The following ZNF492 variants were observed in gnomAD, a reference collection of about 807,000 sequenced individuals.
The protein encoded by ZNF492 is zinc finger protein 492.
In ZNF492, 3 loss-of-function variants were observed where a neutral mutation model predicts 6.4. That is an observed-to-expected ratio of 0.47 (90% CI 0.21 to 1.22). The LOEUF (loss-of-function observed/expected upper bound fraction) is 1.22. Ranked by LOEUF, ZNF492 falls within the 50% of genes most tolerant of loss-of-function variation. ZNF492 has a pLI of 0.22. For synonymous variants in ZNF492, 112 were observed against 205.3 expected, an observed-to-expected ratio of 0.55 and a Z score of 3.89; for missense variants, 356 against 612.5, an observed-to-expected ratio of 0.58 and a Z score of 4.42.
chr19:22,652,070 G>A (rs1182274600), intron 1 of ZNF492, among the ~76,000 whole-genome samples: 1 of 152,042 alleles, frequency 6.6e-6, no homozygotes, highest in African/African-American at 2.4e-5. Context: ...TTGTCTTCAT[G>A]CACTTGATGT....
chr19:22,656,335 C>G (rs1434612544), intron 3 of ZNF492, among the ~76,000 whole-genome samples: 1 of 150,708 alleles, frequency 6.6e-6, no homozygotes, highest in African/African-American at 2.5e-5. Flanking sequence ...GAGTGAGTAT[C>G]CTTCAGGACT....
intron 3 of ZNF492, among the ~76,000 whole-genome samples, chr19:22,655,906 C>T (rs376060158): frequency 0.066 from 5,858 of 88,164 alleles, no homozygotes; most frequent in African/African-American, 0.072. Context: ...CTCACTGCAA[C>T]CTCCACCTCC....
intron 3 of ZNF492, among the ~76,000 whole-genome samples, chr19:22,658,828 G>C (rs952308238): frequency 7.0e-5 from 10 of 143,444 alleles, no homozygotes; most frequent in Non-Finnish European, 1.2e-4. Context: ...CCATATATGT[G>C]AGAGTTTATA....
intron 1 of ZNF492, among the ~76,000 whole-genome samples, chr19:22,639,571 G>A (rs7250111): frequency 0.19 from 29,290 of 151,604 alleles, 3,692 homozygotes; most frequent in African/African-American, 0.36. Flanking sequence ...TTAGCCGGGC[G>A]TGGTGGCGCA....
Position 22,664,264 on chromosome 19 carries a change from T to A in ZNF492, c.595T>A (p.Cys199Ser), listed in dbSNP as rs756679841. The change falls in exon 4 of 4, where the codon TGC becomes AGC. Residue 199 changes from cysteine (C) to serine (S), a missense_variant. This residue lies in a region of ZNF492 where 21 missense variants were observed against 43.4 expected (regional missense o/e 0.48). Transcript: ENST00000456783. ...RIHTGKKPYK[C>S]EECGKAFNRL... The stretch of plus-strand genomic sequence containing the variant: ...TCATACTGGAAAGAAACCCTACAAA[T>A]GCGAAGAGTGTGGAAAAGCCTTTAA... 4.3e-5 allele frequency: 69 copies of A among 1,599,696 alleles called. No homozygotes were observed. The Admixed American group carries it at 1.2e-3, about 27-fold the overall frequency.
chr19:22,652,221 C>CTTTTTTTTTTTTTTTTTTT lies in ZNF492; in HGVS notation c.-93-1069_-93-1068insTTTTTTTTTTTTTTTTTTT, dbSNP rs59051481. Among the ~76,000 whole-genome samples, 19 of 105,466 alleles carry CTTTTTTTTTTTTTTTTTTT rather than the reference C, an allele frequency of 1.8e-4. 4 individuals are homozygous for CTTTTTTTTTTTTTTTTTTT. Among genetic ancestry groups the CTTTTTTTTTTTTTTTTTTT allele is most frequent in the African/African-American group, 9.6e-4 (17 of 17,618 alleles). 69.2% of individuals were successfully genotyped at this position (105,466 alleles called of 152,430 possible). A position where few individuals can be genotyped will look rare whatever the true frequency, so the allele number is the denominator to read the frequency against. ...AATCTGGCAGCTGACCTTTCTTAGGCTTTTTTTTTTTTTTTTTGAGACGGA... is the reference window on the plus strand; with the variant it reads ...AATCTGGCAGCTGACCTTTCTTAGGCTTTTTTTTTTTTTTTTTTTTTTTTTTTTTTTTTTTTGAGACGGA... On this transcript the variant is annotated intron_variant, in intron 1 of 3. Coordinates refer to ENST00000456783, the MANE Select transcript of ZNF492 (RefSeq NM_020855.3).
chr19:22,649,836 C>A (rs1410077843), intron 1 of ZNF492, among the ~76,000 whole-genome samples: 1 of 152,072 alleles, frequency 6.6e-6, no homozygotes, highest in African/African-American at 2.4e-5. Context: ...GTTAGTGGCT[C>A]CTCTCGCTAA....
chr19:22,664,245 T>C lies in ZNF492; in HGVS notation c.576T>C (p.Thr192=), dbSNP rs1972092997. 7 of 1,609,752 alleles carry C rather than the reference T, an allele frequency of 4.3e-6. No homozygotes were observed. Among genetic ancestry groups the C allele is most frequent in the Non-Finnish European group, 5.1e-6 (6 of 1,177,616 alleles). ...TTTCTACACATAAAAGAATTCATAC[T>C]GGAAAGAAACCCTACAAATGCGAAG... The part of the protein sequence containing the change: ...SNLSTHKRIH[T]GKKPYKCEEC... The change falls in exon 4 of 4, where the codon ACT becomes ACC. Residue 192 remains threonine, a synonymous_variant. Transcript: ENST00000456783.
Position 22,665,879 on chromosome 19 carries a change from G to A in ZNF492, c.*614G>A, listed in dbSNP as rs192761420. 1.1e-4 allele frequency: 17 copies of A among 152,538 alleles called. No homozygotes were observed. The highest frequency in any genetic ancestry group is 2.9e-4 in the African/African-American group (12 of 41,556). The allele number at this position is 152,538 out of a possible 1,614,324, so 9.4% of individuals were successfully genotyped here. A position where few individuals can be genotyped will look rare whatever the true frequency, so the allele number is the denominator to read the frequency against. Reference sequence around the variant, plus strand: ...TTTATGTAAATATCAGAGAATTTATGTTAGAAATATATAAGGCAATGACAC... The same window carrying A: ...TTTATGTAAATATCAGAGAATTTATATTAGAAATATATAAGGCAATGACAC... On this transcript the variant is annotated 3_prime_UTR_variant, in exon 4 of 4. Transcript: ENST00000456783.
intron 3 of ZNF492, among the ~76,000 whole-genome samples, chr19:22,660,774 A>G (rs1401560574): frequency 6.6e-6 from 1 of 151,872 alleles, no homozygotes; most frequent in Non-Finnish European, 1.5e-5. Flanking sequence ...TTTCAGTTTA[A>G]GGAACTGCTT....
At chr19:22,660,291 A>G (rs1972045555) in intron 3 of ZNF492, among the ~76,000 whole-genome samples, 1 of 152,124 alleles carries the variant, frequency 6.6e-6, no homozygotes, top group South Asian at 2.1e-4. Context: ...ACGGACTGTT[A>G]CATTTTTAAT....
Position 22,634,364 on chromosome 19 carries a change from C to A in ZNF492, c.-204C>A, listed in dbSNP as rs562039976. The A allele has an allele frequency of 6.9e-6, 8 of 1,152,030 alleles. No homozygotes were observed. The East Asian group carries it at 8.5e-5, about 12-fold the overall frequency. 71.4% of individuals were successfully genotyped at this position (1,152,030 alleles called of 1,614,324 possible). The stretch of plus-strand genomic sequence containing the variant: ...TGCAGTCGGAGTATGGTCTAGTGTT[C>A]GCTGTTCTGCGTCCTCTGGTCCTAG... On this transcript the variant is annotated 5_prime_UTR_variant, in exon 1 of 4. Transcript: ENST00000456783.
intron 1 of ZNF492, among the ~76,000 whole-genome samples, chr19:22,649,566 G>A (rs1408962282): frequency 1.3e-5 from 2 of 151,712 alleles, no homozygotes; most frequent in Non-Finnish European, 2.9e-5. Flanking sequence ...AGGTATTCCA[G>A]TCAATTGTAG....
At chr19:22,642,428 T>C (rs34072081) in intron 1 of ZNF492, among the ~76,000 whole-genome samples, 3,870 of 109,406 alleles carry the variant, frequency 0.035, 48 homozygotes, top group African/African-American at 0.07. Flanking sequence ...CTCGCACTGT[T>C]GCCCAGGCTG....
At chr19:22,636,326 C>T (rs188324122) in intron 1 of ZNF492, among the ~76,000 whole-genome samples, 18 of 151,962 alleles carry the variant, frequency 1.2e-4, no homozygotes, top group Non-Finnish European at 2.2e-4. Flanking sequence ...CTTGAACTCC[C>T]AACCTCAGGT....
intron 1 of ZNF492, among the ~76,000 whole-genome samples, chr19:22,635,553 T>C (rs1054457220): frequency 1.3e-5 from 2 of 152,260 alleles, no homozygotes; most frequent in Non-Finnish European, 2.9e-5. Flanking sequence ...AATATCCCGA[T>C]AGTGAATTGT....
chr19:22,648,936 A>G (rs763437750), intron 1 of ZNF492, among the ~76,000 whole-genome samples: 36 of 152,258 alleles, frequency 2.4e-4, no homozygotes, highest in African/African-American at 8.4e-4. Context: ...ATTTACATTT[A>G]AGGTTAGTAT....
At chr19:22,653,535 T>TTTTTGTTTTG in intron 2 of ZNF492, 102 bp downstream of exon 2, 504 of 1,466,006 alleles carry the variant, frequency 3.4e-4, no homozygotes, top group Admixed American at 4.3e-4. Flanking sequence ...AGATCTCTGT[T>TTTTTGTTTTG]TTTTGTTTTT....
chr19:22,635,310 C>A (rs185053023), intron 1 of ZNF492, among the ~76,000 whole-genome samples: 1 of 152,182 alleles, frequency 6.6e-6, no homozygotes, highest in Non-Finnish European at 1.5e-5. Flanking sequence ...GTCAACCCCC[C>A]ACACCCCATT....
Sources: allele counts gnomAD v4.1 joint callset (sites outside exome capture counted in the v4.1 genomes callset), GRCh38; gene constraint gnomAD v4.1.1; regional missense constraint gnomAD v4.1.1; transcripts MANE v1.5; gene names NCBI Gene and HGNC (gene_info 2026-07-23, HGNC 2026-07-21).